Variants in LRP1B observed in about 807,000 individuals in gnomAD.
The protein encoded by LRP1B is low-density lipoprotein receptor-related protein 1B.
In LRP1B, 217 loss-of-function variants were observed where a neutral mutation model predicts 556.6. That is an observed-to-expected ratio of 0.39 (90% CI 0.35 to 0.44). LRP1B has a LOEUF of 0.44. Among genes scored for constraint, LRP1B ranks in the 20% least tolerant of loss-of-function variants. The pLI is 1.00. For missense variants in LRP1B, 5,053 were observed against 5,620.8 expected, an observed-to-expected ratio of 0.90 and a Z score of 3.23; for synonymous variants, 2,047 against 1,865.8, an observed-to-expected ratio of 1.10 and a Z score of -2.50.
In LRP1B at chr2:140,380,832, A is replaced by G. The variant is rs566562840; in HGVS notation, c.10532-2546T>C. On this transcript the variant is annotated intron_variant, in intron 67 of 90. Coordinates refer to ENST00000389484, the MANE Select transcript of LRP1B (RefSeq NM_018557.3). Reference sequence around the variant, plus strand: ...AAAAAGTTATCAAGCCAGTAGTTGAAAGCATTTGCCCAAGAGTTCCACAGA... The same window carrying G: ...AAAAAGTTATCAAGCCAGTAGTTGAGAGCATTTGCCCAAGAGTTCCACAGA... 2.0e-5 allele frequency among the ~76,000 whole-genome samples: 3 copies of G among 152,280 alleles called. No individual in the cohort carries two copies. In the South Asian group the frequency reaches 6.2e-4, roughly 32 times the overall value.
intron 2 of LRP1B, among the ~76,000 whole-genome samples, chr2:141,494,709 G>T (rs1251537704): frequency 6.7e-6 from 1 of 149,166 alleles, no homozygotes; most frequent in Non-Finnish European, 1.5e-5. Flanking sequence ...TCATCTACTG[G>T]CAATAGTAAT....
chr2:141,630,435 A>C (rs1222104627), intron 2 of LRP1B, among the ~76,000 whole-genome samples: 2 of 152,218 alleles, frequency 1.3e-5, no homozygotes, highest in African/African-American at 4.8e-5. Flanking sequence ...ACTTCTTTAC[A>C]TCTTGAACTA....
intron 41 of LRP1B, among the ~76,000 whole-genome samples, chr2:140,627,564 G>A (rs945942949): frequency 3.9e-4 from 59 of 152,156 alleles, no homozygotes; most frequent in African/African-American, 1.4e-3. Context: ...TGAGGTTTTT[G>A]GAGTCAGACT....
At chr2:141,505,250 G>A (rs1252500559) in intron 2 of LRP1B, among the ~76,000 whole-genome samples, 1 of 151,738 alleles carries the variant, frequency 6.6e-6, no homozygotes. Flanking sequence ...CCTGCTCCCT[G>A]TAACCATTTC....
chr2:141,620,819 A>G (rs1688481318), intron 2 of LRP1B, among the ~76,000 whole-genome samples: 1 of 152,022 alleles, frequency 6.6e-6, no homozygotes, highest in Non-Finnish European at 1.5e-5. Flanking sequence ...TCTTAGTTAT[A>G]GTATTGATTT....
chr2:140,322,082 T>C lies in LRP1B; in HGVS notation c.12521A>G (p.Asn4174Ser). 1.2e-6 allele frequency: 2 copies of C among 1,612,638 alleles called. No individual in the cohort carries two copies. The highest frequency in any genetic ancestry group is 8.5e-7 in the Non-Finnish European group (1 of 1,179,294). ...SHRYKQLDLP[N>S]PCLDLACEFL... ...TTCGCATGCTAAATCCAAGCATGGA[T>C]TGGGTACTGGTGAAACAAAAGAAAA... The change falls in exon 82 of 91, where the codon AAT (asparagine) becomes AGT (serine). Residue 4174 changes from asparagine to serine, a missense_variant. Physicochemically the swap from Asn to Ser is conservative, Grantham distance 46 (BLOSUM62 1). Transcript: ENST00000389484.
intron 3 of LRP1B, among the ~76,000 whole-genome samples, chr2:141,319,379 T>G (rs1302202775): frequency 6.7e-6 from 1 of 149,168 alleles, no homozygotes; most frequent in Non-Finnish European, 1.5e-5. Context: ...TCTGTAATTG[T>G]AAATTATTTC....
At chr2:140,894,664 A>T (rs1693896996) in intron 23 of LRP1B, among the ~76,000 whole-genome samples, 1 of 152,114 alleles carries the variant, frequency 6.6e-6, no homozygotes, top group South Asian at 2.1e-4. Context: ...AAGAAAAATG[A>T]TAGGCCGGGC....
At chr2:140,467,670 T>C (rs1248473032) in intron 60 of LRP1B, among the ~76,000 whole-genome samples, 2 of 150,292 alleles carry the variant, frequency 1.3e-5, no homozygotes, top group Admixed American at 6.6e-5. Flanking sequence ...TGAGAAGTGA[T>C]TGTCATGAGA....
intron 7 of LRP1B, among the ~76,000 whole-genome samples, chr2:141,068,498 A>G (rs1431255846): frequency 6.6e-6 from 1 of 150,964 alleles, no homozygotes; most frequent in African/African-American, 2.4e-5. Flanking sequence ...TTATTATGCA[A>G]ATTGGGTCTT....
At chr2:140,508,049 A>G (rs1689495224) in intron 52 of LRP1B, among the ~76,000 whole-genome samples, 2 of 152,160 alleles carry the variant, frequency 1.3e-5, no homozygotes, top group Admixed American at 1.3e-4. Flanking sequence ...TTTTTGGCAG[A>G]TTCCTCAAAA....
At chr2:141,174,997 A>G (rs574185712) in intron 7 of LRP1B, among the ~76,000 whole-genome samples, 1 of 152,252 alleles carries the variant, frequency 6.6e-6, no homozygotes, top group Non-Finnish European at 1.5e-5. Flanking sequence ...GACTGGCAGC[A>G]TTTTGGCCCT....
intron 2 of LRP1B, among the ~76,000 whole-genome samples, chr2:141,487,064 A>G (rs984780820): frequency 3.3e-5 from 5 of 152,118 alleles, no homozygotes; most frequent in African/African-American, 1.2e-4. Context: ...TATTCCTCAC[A>G]GCGTTCCATG....
intron 3 of LRP1B, among the ~76,000 whole-genome samples, chr2:141,382,119 T>G (rs908668556): frequency 1.3e-5 from 2 of 152,094 alleles, no homozygotes; most frequent in African/African-American, 4.8e-5. Flanking sequence ...TGCCAAAAGG[T>G]CCAGGAAGAT....
intron 87 of LRP1B, among the ~76,000 whole-genome samples, chr2:140,240,239 A>T (rs1680889173): frequency 6.6e-6 from 1 of 150,826 alleles, no homozygotes; most frequent in Admixed American, 6.6e-5. Flanking sequence ...AGCAAGACAT[A>T]TTTTAGGAGT....
intron 32 of LRP1B, among the ~76,000 whole-genome samples, chr2:140,795,779 C>T (rs187543366): frequency 3.3e-5 from 5 of 152,156 alleles, no homozygotes; most frequent in Admixed American, 6.5e-5. Flanking sequence ...CAATTAAACT[C>T]GCCAGATGAG....
intron 31 of LRP1B, among the ~76,000 whole-genome samples, chr2:140,817,322 GA>G (rs1423606582): frequency 1.3e-5 from 2 of 151,178 alleles, no homozygotes; most frequent in African/African-American, 4.8e-5. Context: ...ATAAGTATAC[GA>G]AAAAAATAAG....
intron 27 of LRP1B, among the ~76,000 whole-genome samples, chr2:140,860,332 C>G (rs1051131057): frequency 1.3e-5 from 2 of 152,124 alleles, no homozygotes; most frequent in African/African-American, 2.4e-5. Flanking sequence ...CTCTCAATGT[C>G]TTACTCATTC....
chr2:141,640,851 G>T (rs1574179911), intron 2 of LRP1B, among the ~76,000 whole-genome samples: 1 of 151,964 alleles, frequency 6.6e-6, no homozygotes, highest in East Asian at 1.9e-4. Context: ...GTACTCTATT[G>T]GTTCTTCCCC....
Sources: allele counts gnomAD v4.1 joint callset (sites outside exome capture counted in the v4.1 genomes callset), GRCh38; gene constraint gnomAD v4.1.1; transcripts MANE v1.5; gene names NCBI Gene and HGNC (gene_info 2026-07-23, HGNC 2026-07-21).